Variants in PAPSS1 observed in about 807,000 individuals in gnomAD.
The protein encoded by PAPSS1 is 3'-phosphoadenosine 5'-phosphosulfate synthase 1.
PAPSS1 carries 50 observed loss-of-function variants against 72.0 expected under a neutral mutation model. The observed-to-expected ratio is 0.69, with a 90% CI of 0.55 to 0.88. The LOEUF (loss-of-function observed/expected upper bound fraction) is 0.88. PAPSS1 is among the 40% of genes least tolerant of loss of function. The pLI, the probability that PAPSS1 is intolerant of heterozygous loss-of-function variation, is 0.00. For missense variants in PAPSS1, 657 were observed against 782.2 expected, an observed-to-expected ratio of 0.84 and a Z score of 1.91; for synonymous variants, 261 against 263.6, an observed-to-expected ratio of 0.99 and a Z score of 0.09.
intron 1 of PAPSS1, among the ~76,000 whole-genome samples, chr4:107,711,401 G>A (rs932210923): frequency 9.2e-5 from 14 of 152,000 alleles, no homozygotes; most frequent in African/African-American, 3.4e-4. Flanking sequence ...TGGCCGTTTT[G>A]TTATTTTATC....
chr4:107,663,142 G>A (rs924033692), intron 5 of PAPSS1, among the ~76,000 whole-genome samples: 6 of 152,166 alleles, frequency 3.9e-5, no homozygotes, highest in Non-Finnish European at 5.9e-5. Flanking sequence ...ACACTTTCAC[G>A]AGACACTTAA....
chr4:107,655,981 G>C (rs187211317), intron 7 of PAPSS1, among the ~76,000 whole-genome samples: 2 of 152,260 alleles, frequency 1.3e-5, no homozygotes, highest in Admixed American at 1.3e-4. Flanking sequence ...AAACTTGGTA[G>C]CAATTATAGT....
chr4:107,669,747 T>A (rs985422551), intron 5 of PAPSS1, among the ~76,000 whole-genome samples: 1 of 152,192 alleles, frequency 6.6e-6, no homozygotes, highest in Non-Finnish European at 1.5e-5. Context: ...GGCATTTGCA[T>A]TTCTTCTTTT....
chr4:107,692,080 A>G (rs1179452394), intron 3 of PAPSS1, among the ~76,000 whole-genome samples: 1 of 152,344 alleles, frequency 6.6e-6, no homozygotes, highest in South Asian at 2.1e-4. Context: ...ACTCAAAACT[A>G]TAAAAACCCT....
chr4:107,706,235 C>T (rs1398128560), intron 1 of PAPSS1, among the ~76,000 whole-genome samples: 1 of 152,082 alleles, frequency 6.6e-6, no homozygotes, highest in African/African-American at 2.4e-5. Flanking sequence ...CTTTGTAACC[C>T]TCTTTCTCTT....
chr4:107,712,646 G>A (rs532926491), intron 1 of PAPSS1, among the ~76,000 whole-genome samples: 160 of 152,136 alleles, frequency 1.1e-3, no homozygotes, highest in Middle Eastern at 3.4e-3. Flanking sequence ...AGGCGCAGGC[G>A]GGTGGATCAT....
intron 11 of PAPSS1, among the ~76,000 whole-genome samples, chr4:107,622,360 C>T (rs1390308570): frequency 1.3e-5 from 2 of 152,182 alleles, no homozygotes; most frequent in South Asian, 2.1e-4. Context: ...TGACTAAGAG[C>T]AGCATATAGG....
At chr4:107,669,079 T>C (rs184545208) in intron 5 of PAPSS1, among the ~76,000 whole-genome samples, 4 of 152,272 alleles carry the variant, frequency 2.6e-5, no homozygotes, top group Admixed American at 1.3e-4. Context: ...TGTCCTCCCA[T>C]AGCCCACCTT....
rs192980560 is a variant in PAPSS1, at chr4:107,688,076, A to G, written c.412-899T>C. Among the ~76,000 whole-genome samples the G allele has an allele frequency of 6.3e-4, 96 of 152,070 alleles. 1 individual carries two copies. The East Asian group carries it at 0.012, about 20-fold the overall frequency. ...ATACAAATTTATCTACATACTAATG[A>G]TCCTTTTCTCCCTGCCACTCCTACC... On this transcript the variant is annotated intron_variant, in intron 3 of 11. Transcript: ENST00000265174.
At chr4:107,666,658 A>G (rs1343625732) in intron 5 of PAPSS1, among the ~76,000 whole-genome samples, 1 of 152,214 alleles carries the variant, frequency 6.6e-6, no homozygotes, top group Non-Finnish European at 1.5e-5. Context: ...CAATGAAATA[A>G]ATACTGTATC....
At chr4:107,662,089 C>T (rs1727197009) in intron 5 of PAPSS1, among the ~76,000 whole-genome samples, 2 of 152,176 alleles carry the variant, frequency 1.3e-5, no homozygotes, top group Admixed American at 6.5e-5. Flanking sequence ...GAAGAATAAA[C>T]ATCAAGGAAA....
chr4:107,642,303 G>A (rs1453893516), intron 10 of PAPSS1, among the ~76,000 whole-genome samples: 1 of 151,956 alleles, frequency 6.6e-6, no homozygotes, highest in East Asian at 1.9e-4. Context: ...TGAAATTATA[G>A]TACATAGCTC....
At chr4:107,700,327 C>T (rs2522426) in intron 2 of PAPSS1, among the ~76,000 whole-genome samples, 121,326 of 152,116 alleles carry the variant, frequency 0.8, 51,414 homozygotes, top group South Asian at 0.95. Context: ...ATATAATTCA[C>T]AGAAGTGAAA....
At chr4:107,671,941 G>A (rs954422592) in intron 5 of PAPSS1, among the ~76,000 whole-genome samples, 1 of 151,738 alleles carries the variant, frequency 6.6e-6, no homozygotes, top group Non-Finnish European at 1.5e-5. Context: ...AGATACAGAG[G>A]GCCAACTTTC....
In PAPSS1 at chr4:107,614,256, T is replaced by G; in HGVS notation, c.1868A>C (p.Lys623Thr). The G allele has an allele frequency of 6.2e-7, 1 of 1,613,338 alleles. No homozygotes were observed. Among genetic ancestry groups the G allele is most frequent in the Non-Finnish European group, 8.5e-7 (1 of 1,179,582 alleles). ...VLTEYYKSLE[K>T]A is the part of the protein sequence containing the mutation. Reference sequence around the variant, plus strand: ...AGTGACTGGGTTAACAGCCTAAGCTTTCTCCAAGGATTTGTAGTATTCTGT... The same window carrying G: ...AGTGACTGGGTTAACAGCCTAAGCTGTCTCCAAGGATTTGTAGTATTCTGT... Residue 623 changes from lysine to threonine, a missense_variant, in exon 12 of 12, where the codon AAA becomes ACA. By Grantham distance (78) the Lys-to-Thr change is moderately conservative. This residue lies in a region of PAPSS1 where 103 missense variants were observed against 93.8 expected (regional missense o/e 1.10). Coordinates refer to ENST00000265174, the MANE Select transcript of PAPSS1 (RefSeq NM_005443.5).
intron 8 of PAPSS1, 26 bp downstream of exon 8, chr4:107,654,669 A>G: frequency 1.3e-6 from 2 of 1,576,814 alleles, no homozygotes; most frequent in Non-Finnish European, 1.7e-6. Flanking sequence ...AAATCAAGAT[A>G]AAATGCAGCG....
chr4:107,694,720 A>C (rs1449696206), intron 2 of PAPSS1, among the ~76,000 whole-genome samples: 1 of 152,218 alleles, frequency 6.6e-6, no homozygotes, highest in Non-Finnish European at 1.5e-5. Context: ...TGGGAGTCCA[A>C]TTTATAATAT....
intron 10 of PAPSS1, among the ~76,000 whole-genome samples, chr4:107,640,226 A>C (rs1726500082): frequency 6.6e-6 from 1 of 152,224 alleles, no homozygotes; most frequent in African/African-American, 2.4e-5. Context: ...ATGTGTATCT[A>C]TAACACCATT....
At chr4:107,617,207 C>CTT (rs111248344) in intron 11 of PAPSS1, among the ~76,000 whole-genome samples, 4 of 132,814 alleles carry the variant, frequency 3.0e-5, no homozygotes, top group Non-Finnish European at 3.3e-5. Context: ...GAGTCTTCGG[C>CTT]TTTTTTTTTT....
Sources: gnomAD v4.1 joint callset for allele counts (sites outside exome capture counted in the v4.1 genomes callset) on GRCh38, gnomAD v4.1.1 for gene constraint, gnomAD v4.1.1 regional missense constraint, MANE v1.5 for transcripts, NCBI Gene and HGNC (gene_info 2026-07-23, HGNC 2026-07-21) for gene names.